HDHD5: variants seen among roughly 807,000 people sequenced by gnomAD.
The protein encoded by HDHD5 is haloacid dehalogenase-like hydrolase domain-containing 5.
In HDHD5, 34 loss-of-function variants were observed where a neutral mutation model predicts 35.5. That is an observed-to-expected ratio of 0.96 (90% CI 0.73 to 1.28). The LOEUF is 1.28. Ranked by LOEUF, HDHD5 falls within the 50% of genes most tolerant of loss-of-function variation. The pLI, the probability that HDHD5 is intolerant of heterozygous loss-of-function variation, is 0.00. For synonymous variants in HDHD5, 248 were observed against 240.6 expected (o/e 1.03, Z -0.29); for missense variants, 589 against 560.2 (o/e 1.05, Z -0.52).
chr22:17,143,079 C>T lies in HDHD5; in HGVS notation c.571+19G>A. ...ACGGAGAAAAGACCTCACAACTCATCAAAGAGGACCTCTCTTACCTTCAAT... is the reference window on the plus strand; with the variant it reads ...ACGGAGAAAAGACCTCACAACTCATTAAAGAGGACCTCTCTTACCTTCAAT... On this transcript the variant is annotated intron_variant, in intron 5 of 7. Coordinates refer to ENST00000336737, the MANE Select transcript of HDHD5 (RefSeq NM_033070.3). 6.2e-7 allele frequency: 1 copy of T among 1,608,810 alleles called. No homozygotes were observed. Among genetic ancestry groups the T allele is most frequent in the Non-Finnish European group, 8.5e-7 (1 of 1,177,838 alleles).
At chr22:17,161,841 A>G (rs1302345849), upstream of HDHD5, among the ~76,000 whole-genome samples, 2 of 151,058 alleles carry the variant, frequency 1.3e-5, no homozygotes, top group Non-Finnish European at 3.0e-5. Flanking sequence ...TTGTGCCACT[A>G]CAGCCTGAGC....
chr22:17,145,071 A>G lies in HDHD5; in HGVS notation c.490T>C (p.Phe164Leu). 6.2e-7 allele frequency: 1 copy of G among 1,613,966 alleles called. No individual in the cohort carries two copies. Among genetic ancestry groups the G allele is most frequent in the East Asian group, 2.2e-5 (1 of 44,844 alleles). ...AGGTCCACCATGTCAAGCAGAGGAA[A>G]GGCCATCCGCAGCTCATCCACGGTG... is the stretch of plus-strand genomic sequence containing the variant. Reference protein sequence around the residue: ...VVTVDELRMAFPLLDMVDLER... With the variant: ...VVTVDELRMALPLLDMVDLER... The change falls in exon 4 of 8, where the codon TTT becomes CTT. Residue 164 changes from phenylalanine (F) to leucine (L), a missense_variant. Phe to Leu is a conservative substitution (Grantham distance 22). Coordinates refer to ENST00000336737, the MANE Select transcript of HDHD5 (RefSeq NM_033070.3).
intron 3 of HDHD5, among the ~76,000 whole-genome samples, chr22:17,145,351 C>A (rs2061650179): frequency 6.6e-6 from 1 of 152,194 alleles, no homozygotes. Context: ...AGTCACCAGG[C>A]ACATGCCAGC....
chr22:17,152,744 G>A (rs1568948793), intron 1 of HDHD5, among the ~76,000 whole-genome samples: 1 of 152,118 alleles, frequency 6.6e-6, no homozygotes, highest in Admixed American at 6.5e-5. Flanking sequence ...GGAAAACCAA[G>A]AGCGTGTGGG....
At chr22:17,144,006 C>T (rs1435210586) in intron 4 of HDHD5, among the ~76,000 whole-genome samples, 2 of 152,190 alleles carry the variant, frequency 1.3e-5, no homozygotes, top group Non-Finnish European at 2.9e-5. Context: ...GCACAGGGCA[C>T]CTGGGCAGAT....
chr22:17,154,279 T>G (rs898233125), intron 1 of HDHD5, among the ~76,000 whole-genome samples: 25 of 151,654 alleles, frequency 1.6e-4, no homozygotes, highest in Non-Finnish European at 2.5e-4. Flanking sequence ...GGTTGGGAGT[T>G]CGAGACCAGC....
intron 3 of HDHD5, among the ~76,000 whole-genome samples, chr22:17,147,986 C>T (rs373769012): frequency 2.0e-5 from 3 of 152,224 alleles, no homozygotes; most frequent in Non-Finnish European, 2.9e-5. Flanking sequence ...TTGCTTAAAA[C>T]GGGCCAGGTA....
intron 1 of HDHD5, among the ~76,000 whole-genome samples, chr22:17,157,943 G>A (rs2061817939): frequency 6.6e-6 from 1 of 152,156 alleles, no homozygotes; most frequent in Non-Finnish European, 1.5e-5. Flanking sequence ...TACTTTCCTC[G>A]GAGTTGTTAT....
chr22:17,157,208 G>C (rs1047523185), intron 1 of HDHD5, among the ~76,000 whole-genome samples: 3 of 151,154 alleles, frequency 2.0e-5, no homozygotes, highest in Admixed American at 2.0e-4. Context: ...TATTACAAAA[G>C]AGTAAAAAAT....
chr22:17,138,374 C>T lies in HDHD5; in HGVS notation c.936-17G>A, dbSNP rs1338699512. The T allele has an allele frequency of 1.3e-6, 2 of 1,595,230 alleles. No homozygotes were observed. The highest frequency in any genetic ancestry group is 1.7e-6 in the Non-Finnish European group (2 of 1,171,360). Reference sequence around the variant, plus strand: ...GGGTTATCACTGGCAGGGGCAGCCACACCGGAAAAGGAAAAAGGAGAAAAA... The same window carrying T: ...GGGTTATCACTGGCAGGGGCAGCCATACCGGAAAAGGAAAAAGGAGAAAAA... On this transcript the variant is annotated splice_polypyrimidine_tract_variant and intron_variant, in intron 7 of 7. Transcript: ENST00000336737.
chr22:17,158,859 G>C (rs920592190), intron 1 of HDHD5: 27 of 265,980 alleles, frequency 1.0e-4, no homozygotes, highest in African/African-American at 5.8e-4. Context: ...CTGCCGGGAA[G>C]CGCAGGGGCT....
At chr22:17,157,748 G>C (rs2061815571) in intron 1 of HDHD5, among the ~76,000 whole-genome samples, 1 of 152,158 alleles carries the variant, frequency 6.6e-6, no homozygotes, top group South Asian at 2.1e-4. Flanking sequence ...TCACTCAGCT[G>C]CTTTGAACCT....
intron 4 of HDHD5, chr22:17,143,405 G>A: frequency 2.5e-6 from 1 of 402,964 alleles, no homozygotes; most frequent in South Asian, 4.5e-5. Context: ...TCTGGTGGGA[G>A]AGGACACAAG....
chr22:17,138,181 G>A lies in HDHD5; in HGVS notation c.1112C>T (p.Pro371Leu). The change falls in exon 8 of 8, where the codon CCA (proline) becomes CTA (leucine). Residue 371 changes from proline (P) to leucine (L), a missense_variant. By Grantham distance (98) the Pro-to-Leu change is moderately conservative. Transcript: ENST00000336737. ...VCTGVYNPRN[P>L]QSTEPVLGGG... ...TCCAAGGACAGGCTCCGTGGACTGT[G>A]GGTTCCTGGGATTGTAGACGCCTGT... 6 of 1,614,192 alleles carry A rather than the reference G, an allele frequency of 3.7e-6. No individual in the cohort carries two copies. Among genetic ancestry groups the A allele is most frequent in the Non-Finnish European group, 5.1e-6 (6 of 1,180,028 alleles).
At chr22:17,145,922 G>C (rs2061657337) in intron 3 of HDHD5, among the ~76,000 whole-genome samples, 2 of 152,090 alleles carry the variant, frequency 1.3e-5, no homozygotes, top group South Asian at 4.1e-4. Flanking sequence ...GCCAGCTTCA[G>C]CCTATCTCCT....
In HDHD5 at chr22:17,164,553, A is replaced by G. The variant is rs192239361; in HGVS notation, c.36+656T>C. 3.3e-5 allele frequency among the ~76,000 whole-genome samples: 5 copies of G among 152,270 alleles called. No homozygotes were observed. The East Asian group carries it at 7.7e-4, about 24-fold the overall frequency. On this transcript the variant is annotated intron_variant, in intron 1 of 7. Transcript: ENST00000155674. ...GCCTTCACTGCACAGCTGCCACTTC[A>G]TGGTCTAAGATAGCTGCTCAGGCTC... is the stretch of plus-strand genomic sequence containing the variant.
chr22:17,159,652 G>C, upstream of HDHD5: 1 of 352,818 alleles, frequency 2.8e-6, no homozygotes, highest in Non-Finnish European at 5.5e-6. Context: ...CGCTGGGGCA[G>C]ACCCTTAGTG....
upstream of HDHD5, among the ~76,000 whole-genome samples, chr22:17,161,718 A>AT (rs2061864952): frequency 7.1e-6 from 1 of 140,068 alleles, no homozygotes; most frequent in South Asian, 2.4e-4. Context: ...ATATATATAT[A>AT]AAAAAAAAAT....
chr22:17,139,730 G>A (rs1353043191), intron 6 of HDHD5, among the ~76,000 whole-genome samples: 12 of 151,994 alleles, frequency 7.9e-5, no homozygotes, highest in Non-Finnish European at 1.5e-4. Context: ...CTGCCACCAT[G>A]CCCGGCTAAT....
Sources: gnomAD v4.1 joint callset for allele counts (sites outside exome capture counted in the v4.1 genomes callset) on GRCh38, gnomAD v4.1.1 for gene constraint, MANE v1.5 for transcripts, NCBI Gene and HGNC (gene_info 2026-07-23, HGNC 2026-07-21) for gene names.